UVRAG: variants seen among roughly 807,000 people sequenced by gnomAD.
UVRAG encodes the protein UV radiation resistance-associated gene protein.
In UVRAG, 19 loss-of-function variants were observed where a neutral mutation model predicts 78.0. The ratio of observed to expected loss-of-function variants is 0.24; its 90% CI spans 0.17 to 0.36. UVRAG has a LOEUF of 0.36. UVRAG is among the 10% of genes least tolerant of loss of function. UVRAG has a pLI of 1.00. For synonymous variants in UVRAG, 323 were observed against 324.6 expected, an observed-to-expected ratio of 1.00 and a Z score of 0.05; for missense variants, 740 against 853.8, an observed-to-expected ratio of 0.87 and a Z score of 1.66.
chr11:75,966,390 GC>G (rs905618085), intron 7 of UVRAG, among the ~76,000 whole-genome samples: 163 of 152,266 alleles, frequency 1.1e-3, no homozygotes, highest in African/African-American at 3.6e-3. Flanking sequence ...GATTATGGTA[GC>G]CTGGTAAAAT....
At chr11:76,014,858 A>G (rs915580568) in intron 11 of UVRAG, among the ~76,000 whole-genome samples, 7 of 152,186 alleles carry the variant, frequency 4.6e-5, no homozygotes, top group Admixed American at 4.6e-4. Context: ...TTTAGTCCCT[A>G]AGGTAGTCTG....
intron 12 of UVRAG, among the ~76,000 whole-genome samples, chr11:76,043,648 A>G (rs1950693360): frequency 1.3e-5 from 2 of 152,232 alleles, no homozygotes; most frequent in African/African-American, 2.4e-5. Context: ...TCCATCATTT[A>G]GCTAAGTAAA....
At chr11:76,125,495 A>C (rs1438631950) in intron 14 of UVRAG, among the ~76,000 whole-genome samples, 1 of 151,892 alleles carries the variant, frequency 6.6e-6, no homozygotes, top group Non-Finnish European at 1.5e-5. Context: ...ATATTTAACT[A>C]ACAGGCCCCC....
intron 13 of UVRAG, among the ~76,000 whole-genome samples, chr11:76,094,488 T>C (rs1010612562): frequency 5.9e-5 from 9 of 152,348 alleles, no homozygotes; most frequent in African/African-American, 2.2e-4. Flanking sequence ...CGTCTGGTCC[T>C]GGACTTTTTT....
chr11:75,901,656 A>G (rs562090253), intron 5 of UVRAG, among the ~76,000 whole-genome samples: 3 of 152,128 alleles, frequency 2.0e-5, no homozygotes, highest in Non-Finnish European at 4.4e-5. Flanking sequence ...GGTGGCTGCT[A>G]CTTTTTTCCT....
At chr11:75,867,475 G>A (rs1946562452) in intron 3 of UVRAG, among the ~76,000 whole-genome samples, 1 of 152,108 alleles carries the variant, frequency 6.6e-6, no homozygotes, top group African/African-American at 2.4e-5. Context: ...TTTGTGGTTT[G>A]TTTGCTCTAT....
chr11:76,088,549 T>C (rs551272985), intron 13 of UVRAG, among the ~76,000 whole-genome samples: 2 of 143,336 alleles, frequency 1.4e-5, no homozygotes, highest in South Asian at 4.6e-4. Flanking sequence ...CTTCACATGA[T>C]CTATCTGTCT....
chr11:75,917,535 A>G (rs1369801328), intron 6 of UVRAG, among the ~76,000 whole-genome samples: 3 of 152,212 alleles, frequency 2.0e-5, no homozygotes, highest in African/African-American at 2.4e-5. Context: ...ACACATCTAC[A>G]TGTTAATACC....
chr11:75,994,818 A>G (rs566434836), intron 8 of UVRAG, among the ~76,000 whole-genome samples: 1 of 152,042 alleles, frequency 6.6e-6, no homozygotes, highest in African/African-American at 2.4e-5. Context: ...CTGTTTTTCT[A>G]TTTGGCCTGT....
intron 4 of UVRAG, among the ~76,000 whole-genome samples, chr11:75,888,272 C>T: frequency 6.6e-6 from 1 of 151,900 alleles, no homozygotes. Context: ...TAGCTGGGAC[C>T]ACAGGCGTGC....
intron 7 of UVRAG, among the ~76,000 whole-genome samples, chr11:75,973,759 C>G (rs1299973057): frequency 6.6e-6 from 1 of 152,136 alleles, no homozygotes; most frequent in African/African-American, 2.4e-5. Flanking sequence ...ACCCTGTGCC[C>G]AAGTGTTCTC....
At chr11:75,844,836 A>C (rs1946000878) in intron 1 of UVRAG, among the ~76,000 whole-genome samples, 1 of 151,678 alleles carries the variant, frequency 6.6e-6, no homozygotes, top group African/African-American at 2.4e-5. Context: ...ACCATGCCCA[A>C]CTAATTTTTG....
intron 1 of UVRAG, among the ~76,000 whole-genome samples, chr11:75,844,052 T>C (rs112336603): frequency 6.6e-6 from 1 of 151,912 alleles, no homozygotes; most frequent in African/African-American, 2.4e-5. Flanking sequence ...GAGAATATAA[T>C]GTGCTGATTG....
intron 13 of UVRAG, among the ~76,000 whole-genome samples, chr11:76,067,222 T>G (rs1223502160): frequency 6.6e-6 from 1 of 152,198 alleles, no homozygotes; most frequent in Non-Finnish European, 1.5e-5. Flanking sequence ...CATACTACTT[T>G]TACTGTTACT....
chr11:76,094,918 C>CT (rs1453974180), intron 13 of UVRAG, among the ~76,000 whole-genome samples: 3 of 152,100 alleles, frequency 2.0e-5, no homozygotes, highest in Non-Finnish European at 4.4e-5. Context: ...GGTCTTTCCT[C>CT]TTCAGCTTGT....
chr11:75,958,866 A>C (rs994004090), intron 6 of UVRAG, among the ~76,000 whole-genome samples: 13 of 152,250 alleles, frequency 8.5e-5, no homozygotes, highest in Non-Finnish European at 1.8e-4. Flanking sequence ...TGGGCTACAG[A>C]ATGGATAATG....
chr11:75,881,319 A>G (rs930717594), intron 4 of UVRAG, among the ~76,000 whole-genome samples: 2 of 152,184 alleles, frequency 1.3e-5, no homozygotes, highest in African/African-American at 4.8e-5. Context: ...CAATCAATAC[A>G]TGTAAGAAGT....
chr11:76,085,863 T>C (rs534994178), intron 13 of UVRAG, among the ~76,000 whole-genome samples: 25 of 152,286 alleles, frequency 1.6e-4, no homozygotes, highest in Middle Eastern at 3.4e-3. Context: ...CCATGTGTGT[T>C]TTTCACAACT....
At chr11:76,092,863 G>A (rs750271785) in intron 13 of UVRAG, among the ~76,000 whole-genome samples, 1 of 152,042 alleles carries the variant, frequency 6.6e-6, no homozygotes, top group African/African-American at 2.4e-5. Flanking sequence ...GTCTATTTTG[G>A]CTTTTGTTGC....
Sources: allele counts gnomAD v4.1 joint callset (sites outside exome capture counted in the v4.1 genomes callset), GRCh38; gene constraint gnomAD v4.1.1; transcripts MANE v1.5; gene names NCBI Gene and HGNC (gene_info 2026-07-23, HGNC 2026-07-21).